SUSD6: variants seen among roughly 807,000 people sequenced by gnomAD.
SUSD6 encodes sushi domain containing 6.
A neutral mutation model predicts 28.4 loss-of-function variants in SUSD6; 16 were observed. That is an observed-to-expected ratio of 0.56 (90% CI 0.38 to 0.86). The LOEUF is 0.86. Among genes scored for constraint, SUSD6 ranks in the 40% least tolerant of loss-of-function variants. The pLI, the probability that SUSD6 is intolerant of heterozygous loss-of-function variation, is 0.00. For missense variants in SUSD6, 341 were observed against 384.2 expected, an observed-to-expected ratio of 0.89 and a Z score of 0.94; for synonymous variants, 147 against 159.6, an observed-to-expected ratio of 0.92 and a Z score of 0.59.
At chr14:69,710,742 GT>G (rs761720200) in intron 5 of SUSD6, among the ~76,000 whole-genome samples, 2 of 152,074 alleles carry the variant, frequency 1.3e-5, no homozygotes, top group African/African-American at 2.4e-5. Context: ...TGAACATTGA[GT>G]TTTTTTCACA....
rs150334895 is a variant in SUSD6 at position 69,651,743 on chromosome 14, A to T, written c.-80-6770A>T. Among the ~76,000 whole-genome samples the T allele has an allele frequency of 7.2e-4, 110 of 152,308 alleles. 1 individual carries two copies. The South Asian group carries it at 0.015, about 21-fold the overall frequency. Reference sequence around the variant, plus strand: ...ATTAAGGTCCAATAAGTGTTTAGATATGTTTTGATACTGTAGCCTGGCCAT... The same window carrying T: ...ATTAAGGTCCAATAAGTGTTTAGATTTGTTTTGATACTGTAGCCTGGCCAT... On this transcript the variant is annotated intron_variant, in intron 1 of 5. Transcript: ENST00000342745.
intron 2 of SUSD6, among the ~76,000 whole-genome samples, chr14:69,690,800 A>C (rs1238763916): frequency 2.6e-5 from 4 of 152,202 alleles, no homozygotes; most frequent in Non-Finnish European, 5.9e-5. Context: ...TGGACTTGGT[A>C]ACTTCCGCTC....
intron 2 of SUSD6, among the ~76,000 whole-genome samples, chr14:69,667,907 C>T (rs1387030557): frequency 1.3e-5 from 2 of 152,182 alleles, no homozygotes; most frequent in Non-Finnish European, 2.9e-5. Flanking sequence ...GAGACAAAAT[C>T]CTTTTTATGT....
intron 2 of SUSD6, among the ~76,000 whole-genome samples, chr14:69,671,720 C>G (rs996666544): frequency 6.6e-6 from 1 of 152,104 alleles, no homozygotes; most frequent in Non-Finnish European, 1.5e-5. Flanking sequence ...TGAGGACTGT[C>G]TGTGATTTGA....
intron 1 of SUSD6, among the ~76,000 whole-genome samples, chr14:69,623,296 G>A (rs775877379): frequency 1.3e-5 from 2 of 152,082 alleles, no homozygotes; most frequent in Non-Finnish European, 2.9e-5. Flanking sequence ...ATATGATGGT[G>A]GTTCCATAAG....
At chr14:69,691,246 G>A (rs1478843335) in intron 2 of SUSD6, among the ~76,000 whole-genome samples, 1 of 152,194 alleles carries the variant, frequency 6.6e-6, no homozygotes, top group Non-Finnish European at 1.5e-5. Flanking sequence ...AAGAGGCTGA[G>A]GCATGAGAAT....
rs1884875967 is a variant in SUSD6, at chr14:69,611,722, A to G, written c.-187A>G. On this transcript the variant is annotated 5_prime_UTR_variant, in exon 1 of 6. Coordinates refer to ENST00000342745, the MANE Select transcript of SUSD6 (RefSeq NM_014734.4). Reference sequence around the variant, plus strand: ...CAGCGCCGGCCAGAGCGAGCTAGACAAGGGCACGCGGGGCCTCGCCTAGAC... The same window carrying G: ...CAGCGCCGGCCAGAGCGAGCTAGACGAGGGCACGCGGGGCCTCGCCTAGAC... The G allele has an allele frequency of 6.7e-6, 1 of 148,558 alleles. No homozygotes were observed. Among genetic ancestry groups the G allele is most frequent in the Admixed American group, 6.6e-5 (1 of 15,042 alleles). The allele number at this position is 148,558 out of a possible 1,614,324, so 9.2% of individuals were successfully genotyped here.
chr14:69,629,424 G>A (rs1053574456), intron 1 of SUSD6, among the ~76,000 whole-genome samples: 1 of 152,144 alleles, frequency 6.6e-6, no homozygotes, highest in African/African-American at 2.4e-5. Flanking sequence ...ATATCAGTCA[G>A]CAAAGGCAAC....
chr14:69,656,503 A>G (rs1885585249), intron 1 of SUSD6, among the ~76,000 whole-genome samples: 1 of 152,204 alleles, frequency 6.6e-6, no homozygotes, highest in African/African-American at 2.4e-5. Context: ...CTCTGAGTAT[A>G]TCCCTTAACC....
intron 1 of SUSD6, among the ~76,000 whole-genome samples, chr14:69,631,900 GGGTGGTCAGAAT>G (rs2139597516): frequency 6.6e-6 from 1 of 152,282 alleles, no homozygotes; most frequent in African/African-American, 2.4e-5. Flanking sequence ...GACTGTTCTA[GGGTGGTCAGAAT>G]CTGTCACAGG....
chr14:69,641,744 T>C lies in SUSD6; in HGVS notation c.-80-16769T>C, dbSNP rs1283090446. Among the ~76,000 whole-genome samples, 4 of 151,968 alleles carry C rather than the reference T, an allele frequency of 2.6e-5. No individual in the cohort carries two copies. In the South Asian group the frequency reaches 6.2e-4, roughly 24 times the overall value. ...AGCTGAGATTACAGGTGCATGCCAC[T>C]ACACCCAGATAATTTAAAAAAAATT... is the stretch of plus-strand genomic sequence containing the variant. On this transcript the variant is annotated intron_variant, in intron 1 of 5. Coordinates refer to ENST00000342745, the MANE Select transcript of SUSD6 (RefSeq NM_014734.4).
At chr14:69,668,732 A>G (rs1393484594) in intron 2 of SUSD6, among the ~76,000 whole-genome samples, 1 of 151,484 alleles carries the variant, frequency 6.6e-6, no homozygotes, top group Admixed American at 6.6e-5. Flanking sequence ...GCTTGGTGGG[A>G]GGTGTTTGGA....
rs376424835 is a variant in SUSD6 at position 69,643,034 on chromosome 14, C to T, written c.-80-15479C>T. 3.3e-5 allele frequency among the ~76,000 whole-genome samples: 5 copies of T among 152,284 alleles called. No homozygotes were observed. In the South Asian group the frequency reaches 6.2e-4, roughly 19 times the overall value. On this transcript the variant is annotated intron_variant, in intron 1 of 5. Transcript: ENST00000342745. Reference sequence around the variant, plus strand: ...CTGAACTCTTTCAGGTTTCTCTGCCCTACCCTATGGTCTGGAAACTCTCAA... The same window carrying T: ...CTGAACTCTTTCAGGTTTCTCTGCCTTACCCTATGGTCTGGAAACTCTCAA...
At chr14:69,661,948 C>T (rs1885668483) in intron 2 of SUSD6, among the ~76,000 whole-genome samples, 1 of 152,118 alleles carries the variant, frequency 6.6e-6, no homozygotes. Context: ...CATAGGCATG[C>T]ACCACCATGC....
chr14:69,639,961 T>TTG (rs1555343346), intron 1 of SUSD6, among the ~76,000 whole-genome samples: 8 of 143,684 alleles, frequency 5.6e-5, no homozygotes, highest in Non-Finnish European at 1.0e-4. Context: ...ACACTGTTTT[T>TTG]TTTTTTTTTT....
intron 1 of SUSD6, among the ~76,000 whole-genome samples, chr14:69,635,640 C>CACACAT (rs1885254916): frequency 7.1e-6 from 1 of 141,018 alleles, no homozygotes; most frequent in Admixed American, 6.9e-5. Context: ...CACACACACA[C>CACACAT]ACATTTTCAC....
At chr14:69,692,803 A>G (rs1012040195) in intron 2 of SUSD6, among the ~76,000 whole-genome samples, 1 of 152,180 alleles carries the variant, frequency 6.6e-6, no homozygotes, top group Non-Finnish European at 1.5e-5. Context: ...CTCCTAAGTC[A>G]GTTATCACCT....
intron 1 of SUSD6, among the ~76,000 whole-genome samples, chr14:69,627,114 A>G (rs1380064030): frequency 1.3e-5 from 2 of 152,230 alleles, no homozygotes; most frequent in Non-Finnish European, 2.9e-5. Flanking sequence ...TTCATTGGAA[A>G]AGAAACCCTC....
rs140763241 is a variant in SUSD6 at position 69,657,454 on chromosome 14, CA to C, written c.-80-1049del. 1.3e-3 allele frequency among the ~76,000 whole-genome samples: 184 copies of C among 145,912 alleles called. 1 individual carries two copies. Among genetic ancestry groups the C allele is most frequent in the Non-Finnish European group, 2.2e-3 (144 of 66,112 alleles). ...TGGGCAACAGAGCAAGACTGTGTCTCAAAAAAAAAACAAAATCAGATCTGGG... is the reference window on the plus strand; with the variant it reads ...TGGGCAACAGAGCAAGACTGTGTCTCAAAAAAAAACAAAATCAGATCTGGG... On this transcript the variant is annotated intron_variant, in intron 1 of 5. Coordinates refer to ENST00000342745, the MANE Select transcript of SUSD6 (RefSeq NM_014734.4).
Sources: allele counts gnomAD v4.1 joint callset (sites outside exome capture counted in the v4.1 genomes callset), GRCh38; gene constraint gnomAD v4.1.1; transcripts MANE v1.5; gene names NCBI Gene and HGNC (gene_info 2026-07-23, HGNC 2026-07-21).